The following SLC22A16 variants were observed in gnomAD, a reference collection of about 807,000 sequenced individuals.
The protein encoded by SLC22A16 is solute carrier family 22 member 16.
SLC22A16 carries 53 observed loss-of-function variants against 52.9 expected under a neutral mutation model. That is an observed-to-expected ratio of 1.00 (90% confidence interval 0.80 to 1.26). The LOEUF (loss-of-function observed/expected upper bound fraction) is 1.26, where lower values mean the gene tolerates loss of function less well. Ranked by LOEUF, SLC22A16 falls within the 50% of genes most tolerant of loss-of-function variation. The pLI, the probability that SLC22A16 is intolerant of heterozygous loss-of-function variation, is 0.00. For missense variants in SLC22A16, 726 were observed against 704.0 expected, an observed-to-expected ratio of 1.03 and a Z score of -0.35; for synonymous variants, 291 against 268.8, an observed-to-expected ratio of 1.08 and a Z score of -0.81.
At chr6:110,425,231 G>C (rs557794464) in intron 7 of SLC22A16, 146 bp from the exon 8 acceptor site, 1 of 1,517,540 alleles carries the variant, frequency 6.6e-7, no homozygotes. Context: ...TGAGATCTTT[G>C]GTTACTTGTG....
intron 1 of SLC22A16, among the ~76,000 whole-genome samples, chr6:110,458,756 G>A (rs1368769730): frequency 1.3e-5 from 2 of 152,166 alleles, no homozygotes; most frequent in Admixed American, 1.3e-4. Context: ...AAAGGTGAAG[G>A]AAGAGCAAAT....
At chr6:110,449,048 GAT>G (rs1485281676) in intron 2 of SLC22A16, among the ~76,000 whole-genome samples, 3 of 152,084 alleles carry the variant, frequency 2.0e-5, no homozygotes, top group Non-Finnish European at 2.9e-5. Flanking sequence ...TCCCTTGACA[GAT>G]ATATCAGAAG....
rs1350502800 is a variant in SLC22A16 at position 110,438,721 on chromosome 6, TG to T, written c.1309del (p.Gln437ArgfsTer9). 2.5e-6 allele frequency: 4 copies of T among 1,611,644 alleles called. No individual in the cohort carries two copies. Among genetic ancestry groups the T allele is most frequent in the Non-Finnish European group, 3.4e-6 (4 of 1,179,178 alleles). ...LACGVVMVIP[Q>X]KHYILGVVTA... ...TATAAAAAACAGAAGATAACTCACC[TG>T]GGGGATCACCATAACGACACCACAG... On this transcript the variant is annotated frameshift_variant and splice_region_variant, in exon 5 of 8. Transcript: ENST00000368919. LOFTEE classifies it high-confidence loss of function.
At chr6:110,427,690 G>C (rs756818274) in intron 7 of SLC22A16, among the ~76,000 whole-genome samples, 74 of 152,198 alleles carry the variant, frequency 4.9e-4, no homozygotes, top group Non-Finnish European at 8.8e-4. Flanking sequence ...AGTAGAGACG[G>C]GGTGTCGCCA....
At chr6:110,438,903 C>T in intron 4 of SLC22A16, 56 bp from the exon 5 acceptor site, 1 of 1,598,762 alleles carries the variant, frequency 6.3e-7, no homozygotes, top group South Asian at 1.1e-5. Context: ...CAAAAGGGGA[C>T]CCCCGTCTTC....
chr6:110,440,003 G>C (rs781324885), intron 4 of SLC22A16: 6 of 152,162 alleles, frequency 3.9e-5, no homozygotes, highest in African/African-American at 7.2e-5. Flanking sequence ...TATATAGTGA[G>C]TGATCTCATT....
chr6:110,454,102 C>T (rs1775489622), intron 2 of SLC22A16, among the ~76,000 whole-genome samples: 1 of 152,162 alleles, frequency 6.6e-6, no homozygotes, highest in East Asian at 1.9e-4. Context: ...GCCTCACCTC[C>T]CAACACCGCC....
Position 110,442,286 on chromosome 6 carries a change from C to A in SLC22A16, c.1141G>T (p.Val381Phe), listed in dbSNP as rs779107840. 1.9e-6 allele frequency: 3 copies of A among 1,614,136 alleles called. No homozygotes were observed. In the Admixed American group the frequency reaches 5.0e-5, roughly 27 times the overall value. Residue 381 changes from valine to phenylalanine, a missense_variant, in exon 4 of 8, where the codon GTT becomes TTT. Transcript: ENST00000368919. ...AAGTATTCATTGCCTCCTAAGTTAA[C>A]AGAATTCAAGGAAAACGAGTAGAAT... The part of the protein sequence containing the change: ...LGFYSFSLNS[V>F]NLGGNEYLNL...
At chr6:110,453,006 G>T (rs1775443818) in intron 2 of SLC22A16, among the ~76,000 whole-genome samples, 1 of 152,086 alleles carries the variant, frequency 6.6e-6, no homozygotes, top group African/African-American at 2.4e-5. Flanking sequence ...TAATATTGAT[G>T]ACTTTTTCTG....
In SLC22A16 at chr6:110,456,693, C is replaced by A; in HGVS notation, c.378G>T (p.Val126=). Reference sequence around the variant, plus strand: ...TGTTCTGGTCATATATGTAGCCATCCACACAAGGAAACTCTTTCTTACTGC... The same window carrying A: ...TGTTCTGGTCATATATGTAGCCATCAACACAAGGAAACTCTTTCTTACTGC... ...YTGSKKEFPC[V]DGYIYDQNTW... is the part of the protein sequence containing the mutation. The change falls in exon 2 of 8, where the codon GTG becomes GTT. Residue 126 remains valine (V), a synonymous_variant. Coordinates refer to ENST00000368919, the MANE Select transcript of SLC22A16 (RefSeq NM_033125.4). 6.2e-7 allele frequency: 1 copy of A among 1,614,132 alleles called. No homozygotes were observed. The highest frequency in any genetic ancestry group is 2.2e-5 in the East Asian group (1 of 44,880).
At chr6:110,433,413 T>C (rs1235414062) in intron 6 of SLC22A16, among the ~76,000 whole-genome samples, 2 of 152,198 alleles carry the variant, frequency 1.3e-5, no homozygotes, top group Non-Finnish European at 2.9e-5. Context: ...CAGGCAGGTG[T>C]GTGGGCATGG....
chr6:110,470,578 TCA>T (rs1388105959), intron 1 of SLC22A16, among the ~76,000 whole-genome samples: 3 of 152,138 alleles, frequency 2.0e-5, no homozygotes, highest in Non-Finnish European at 2.9e-5. Flanking sequence ...CTTCCTGGCC[TCA>T]GTTTTTTTCT....
At chr6:110,436,634 C>T (rs530944120) in intron 5 of SLC22A16, among the ~76,000 whole-genome samples, 3 of 152,202 alleles carry the variant, frequency 2.0e-5, no homozygotes, top group South Asian at 2.1e-4. Flanking sequence ...TCTATTTAAT[C>T]TATTTACTTT....
Position 110,424,931 on chromosome 6 carries a change from T to C in SLC22A16, c.1676A>G (p.Asn559Ser), listed in dbSNP as rs763291093. Reference sequence around the variant, plus strand: ...CGCTTCCGTTTTTTCCAGCCCACTATTATTAGTTGTGAGAAGTAATTTGCT... The same window carrying C: ...CGCTTCCGTTTTTTCCAGCCCACTACTATTAGTTGTGAGAAGTAATTTGCT... ...KSSKLLLTTN[N>S]SGLEKTEAIT... The change falls in exon 8 of 8, where the codon AAT becomes AGT. Residue 559 changes from asparagine (N) to serine (S), a missense_variant. Transcript: ENST00000368919. The C allele has an allele frequency of 7.4e-6, 12 of 1,614,144 alleles. No individual in the cohort carries two copies. The highest frequency in any genetic ancestry group is 1.3e-5 in the African/African-American group (1 of 75,030).
At chr6:110,426,112 C>G (rs886481539) in intron 7 of SLC22A16, among the ~76,000 whole-genome samples, 31 of 152,184 alleles carry the variant, frequency 2.0e-4, no homozygotes, top group African/African-American at 7.2e-4. Flanking sequence ...CACTGATAAC[C>G]TAATTCTTAG....
At chr6:110,446,578 C>T (rs1305284280) in intron 3 of SLC22A16, among the ~76,000 whole-genome samples, 1 of 152,186 alleles carries the variant, frequency 6.6e-6, no homozygotes, top group Non-Finnish European at 1.5e-5. Flanking sequence ...CAGGCCCTGA[C>T]TAGACCAATA....
In SLC22A16 at chr6:110,462,450, A is replaced by C. The variant is rs149404165; in HGVS notation, c.54-5433T>G. Among the ~76,000 whole-genome samples the C allele has an allele frequency of 1.6e-3, 247 of 152,292 alleles. 1 individual carries two copies. Among genetic ancestry groups the C allele is most frequent in the African/African-American group, 5.6e-3 (233 of 41,558 alleles). ...AAAGAAAGCTGAAAATCAACCCCCA[A>C]AAACTTAGGACATGAAAGACAAAAT... On this transcript the variant is annotated intron_variant, in intron 1 of 7. Coordinates refer to ENST00000368919, the MANE Select transcript of SLC22A16 (RefSeq NM_033125.4).
intron 2 of SLC22A16, among the ~76,000 whole-genome samples, chr6:110,447,428 T>C (rs1775220266): frequency 6.6e-6 from 1 of 152,210 alleles, no homozygotes; most frequent in Non-Finnish European, 1.5e-5. Context: ...TGTGCTTACT[T>C]GCCCTATCTT....
At position 110,456,654 on chromosome 6, in the gene SLC22A16, A is replaced by C; in HGVS notation, c.417T>G (p.Thr139=). Residue 139 remains threonine (T), a synonymous_variant, in exon 2 of 8, where the codon ACT becomes ACG. Coordinates refer to ENST00000368919, the MANE Select transcript of SLC22A16 (RefSeq NM_033125.4). ...YIYDQNTWKS[T]AVTQWNLVCD... ...AGACCAGGTTCCACTGGGTCACCGC[A>C]GTGCTTTTCCATGTGTTCTGGTCAT... is the stretch of plus-strand genomic sequence containing the variant. 1 of 1,614,180 alleles carries C rather than the reference A, an allele frequency of 6.2e-7. No individual in the cohort carries two copies. The highest frequency in any genetic ancestry group is 8.5e-7 in the Non-Finnish European group (1 of 1,180,032).
Sources: gnomAD v4.1 joint callset for allele counts (sites outside exome capture counted in the v4.1 genomes callset) on GRCh38, gnomAD v4.1.1 for gene constraint, MANE v1.5 for transcripts, NCBI Gene and HGNC (gene_info 2026-07-23, HGNC 2026-07-21) for gene names.